Variants in ABCA13 observed in about 807,000 individuals in gnomAD.
ABCA13 encodes the protein ATP binding cassette subfamily A member 13.
A neutral mutation model predicts 478.7 loss-of-function variants in ABCA13; 476 were observed. The observed-to-expected ratio is 0.99, with a 90% confidence interval of 0.92 to 1.07. The LOEUF is 1.07. Ranked by LOEUF, ABCA13 falls within the 50% of genes least tolerant of loss-of-function variation. The pLI, the probability that ABCA13 is intolerant of heterozygous loss-of-function variation, is 0.00. For missense variants in ABCA13, 6,060 were observed against 5,910.6 expected (o/e 1.03, Z -0.83); for synonymous variants, 2,252 against 2,158.9 (o/e 1.04, Z -1.20).
chr7:48,465,989 T>C (rs887186229), intron 43 of ABCA13, among the ~76,000 whole-genome samples: 2 of 152,184 alleles, frequency 1.3e-5, no homozygotes, highest in Non-Finnish European at 2.9e-5. Context: ...TAATCTATAA[T>C]GCTGATTATA....
chr7:48,189,955 C>T (rs941887373), intron 1 of ABCA13, among the ~76,000 whole-genome samples: 7 of 152,060 alleles, frequency 4.6e-5, no homozygotes, highest in Non-Finnish European at 7.4e-5. Flanking sequence ...GAAAAATAGG[C>T]AACTGGAAGA....
chr7:48,432,242 G>A (rs1011665017), intron 42 of ABCA13, among the ~76,000 whole-genome samples: 3 of 152,088 alleles, frequency 2.0e-5, no homozygotes, highest in Admixed American at 6.5e-5. Context: ...ATAGTCAGCA[G>A]AGAAATGCAA....
intron 19 of ABCA13, among the ~76,000 whole-genome samples, chr7:48,284,050 A>C (rs1157912500): frequency 6.6e-6 from 1 of 152,210 alleles, no homozygotes; most frequent in East Asian, 1.9e-4. Context: ...TGCAAGTTGA[A>C]GATGCATCTC....
chr7:48,611,395 CTT>C (rs752276219), intron 58 of ABCA13, among the ~76,000 whole-genome samples: 4 of 152,162 alleles, frequency 2.6e-5, no homozygotes, highest in Non-Finnish European at 5.9e-5. Flanking sequence ...TTTCAGGTAT[CTT>C]TATTGCAATG....
At chr7:48,630,489 A>C (rs1183365302) in intron 59 of ABCA13, among the ~76,000 whole-genome samples, 3 of 152,164 alleles carry the variant, frequency 2.0e-5, no homozygotes, top group Non-Finnish European at 4.4e-5. Flanking sequence ...AGAAGACACG[A>C]TCTTGTTCTT....
chr7:48,629,512 AT>A (rs1178452985), intron 59 of ABCA13, among the ~76,000 whole-genome samples: 2 of 116,844 alleles, frequency 1.7e-5, no homozygotes, highest in Non-Finnish European at 3.4e-5. Context: ...TACAAATTTT[AT>A]TTTTTCATTC....
intron 28 of ABCA13, among the ~76,000 whole-genome samples, chr7:48,335,796 A>C (rs1806166588): frequency 6.6e-6 from 1 of 152,226 alleles, no homozygotes; most frequent in Non-Finnish European, 1.5e-5. Context: ...ATTAAGCTTA[A>C]TGCTTTTTAG....
At chr7:48,257,044 C>G (rs1334931179) in intron 15 of ABCA13, among the ~76,000 whole-genome samples, 1 of 151,916 alleles carries the variant, frequency 6.6e-6, no homozygotes, top group Non-Finnish European at 1.5e-5. Flanking sequence ...AGCTGTATTC[C>G]TAGGTATTTT....
chr7:48,627,025 G>C, intron 59 of ABCA13: 1 of 985,426 alleles, frequency 1.0e-6, no homozygotes, highest in Non-Finnish European at 1.2e-6. Flanking sequence ...CTCTGAAGTA[G>C]AGTGAGCTGA....
intron 59 of ABCA13, among the ~76,000 whole-genome samples, chr7:48,623,400 A>G (rs762825718): frequency 1.4e-4 from 22 of 152,196 alleles, no homozygotes; most frequent in Non-Finnish European, 3.1e-4. Context: ...CTGTTTGATG[A>G]TAACATAATC....
intron 8 of ABCA13, among the ~76,000 whole-genome samples, chr7:48,237,324 A>G (rs1360424147): frequency 1.3e-5 from 2 of 152,090 alleles, no homozygotes; most frequent in Non-Finnish European, 2.9e-5. Context: ...CACTCTCATA[A>G]TCTTAATCTT....
At chr7:48,242,849 C>T (rs1791058368) in intron 10 of ABCA13, 1 of 152,196 alleles carries the variant, frequency 6.6e-6, no homozygotes, top group Non-Finnish European at 1.5e-5. Context: ...TTTTCACTAC[C>T]TTGTCTTCAT....
At chr7:48,542,076 G>A (rs925027305) in intron 55 of ABCA13, among the ~76,000 whole-genome samples, 2 of 151,600 alleles carry the variant, frequency 1.3e-5, no homozygotes, top group African/African-American at 2.4e-5. Flanking sequence ...ATTCTTTGAT[G>A]TGAAGTCATT....
At chr7:48,380,192 A>G (rs1413593178) in intron 35 of ABCA13, among the ~76,000 whole-genome samples, 1 of 152,250 alleles carries the variant, frequency 6.6e-6, no homozygotes, top group Non-Finnish European at 1.5e-5. Context: ...AAATATATAT[A>G]TCAAATGACA....
intron 47 of ABCA13, among the ~76,000 whole-genome samples, chr7:48,487,291 C>T (rs117888859): frequency 0.011 from 1,551 of 144,860 alleles, 15 homozygotes; most frequent in Admixed American, 0.017. Flanking sequence ...GCCTGGGCAA[C>T]GAGCAAAACT....
chr7:48,314,148 G>A (rs1488841629), intron 25 of ABCA13, 84 bp from the exon 26 acceptor site: 22 of 1,404,894 alleles, frequency 1.6e-5, no homozygotes, highest in Non-Finnish European at 1.8e-5. Context: ...ATTCAGTGGA[G>A]GAAGGAACTA....
intron 48 of ABCA13, among the ~76,000 whole-genome samples, chr7:48,497,771 G>T (rs951010534): frequency 1.3e-5 from 2 of 152,132 alleles, no homozygotes; most frequent in South Asian, 2.1e-4. Context: ...GGGGAGTAGA[G>T]TCTGCTCCCC....
rs374073231 is a variant in ABCA13, at chr7:48,278,543, T to G, written c.7349T>G (p.Leu2450Arg). 149 of 1,613,856 alleles carry G rather than the reference T, an allele frequency of 9.2e-5. No individual in the cohort carries two copies. Among genetic ancestry groups the G allele is most frequent in the Non-Finnish European group, 1.2e-4 (141 of 1,179,870 alleles). ...ALYPTLQEVILANLTDLLFFI... is the reference protein window; with the variant it reads ...ALYPTLQEVIRANLTDLLFFI... ...TATCCTACCCTCCAAGAAGTTATAC[T>G]TGCTAATCTAACGGATTTGCTTTTC... The change falls in exon 18 of 62, where the codon CTT (leucine) becomes CGT (arginine). Residue 2450 changes from leucine (L) to arginine (R), a missense_variant. Transcript: ENST00000435803.
intron 9 of ABCA13, among the ~76,000 whole-genome samples, chr7:48,240,334 G>A (rs1385528830): frequency 3.3e-5 from 5 of 152,276 alleles, no homozygotes; most frequent in Admixed American, 6.5e-5. Context: ...TTAAGGCATA[G>A]TTAGCACACA....
Sources: gnomAD v4.1 joint callset for allele counts (sites outside exome capture counted in the v4.1 genomes callset) on GRCh38, gnomAD v4.1.1 for gene constraint, MANE v1.5 for transcripts, NCBI Gene and HGNC (gene_info 2026-07-23, HGNC 2026-07-21) for gene names.